WDR27: variants seen among roughly 807,000 people sequenced by gnomAD.
WDR27 encodes the protein WD repeat domain 27.
Under a neutral mutation model 114.4 loss-of-function variants are expected in WDR27, and 100 were observed. The ratio of observed to expected loss-of-function variants is 0.87; its 90% CI spans 0.74 to 1.03. WDR27 has a LOEUF of 1.03. WDR27 is among the 50% of genes least tolerant of loss of function. The probability of loss-of-function intolerance (pLI) is 0.00; values close to 1 mark genes in which losing one functional copy is unlikely to be tolerated. For missense variants in WDR27, 1,129 were observed against 1,092.9 expected, an observed-to-expected ratio of 1.03 and a Z score of -0.47; for synonymous variants, 449 against 423.1, an observed-to-expected ratio of 1.06 and a Z score of -0.75.
At chr6:169,621,207 C>G (rs535801959) in intron 21 of WDR27, among the ~76,000 whole-genome samples, 1 of 152,126 alleles carries the variant, frequency 6.6e-6, no homozygotes, top group South Asian at 2.1e-4. Context: ...CATGCACGCT[C>G]GCATATGCAT....
intron 25 of WDR27, among the ~76,000 whole-genome samples, chr6:169,570,825 G>GT (rs1431339798): frequency 2.0e-5 from 3 of 151,748 alleles, no homozygotes; most frequent in African/African-American, 7.3e-5. Context: ...GCGAAATTCC[G>GT]TTTCAAAAAA....
chr6:169,618,217 AATT>A lies in WDR27; in HGVS notation c.2224-4564_2224-4562del, dbSNP rs1300016295. ...TGAAATCTAGAATCATATGTAATAA[AATT>A]ATTTCATTAAAAAAGCTGTTTAAAC... On this transcript the variant is annotated intron_variant, in intron 21 of 25. Transcript: ENST00000448612. Among the ~76,000 whole-genome samples, 5 of 152,328 alleles carry A rather than the reference AATT, an allele frequency of 3.3e-5. 1 individual carries two copies. In the South Asian group the frequency reaches 6.2e-4, roughly 19 times the overall value.
the WDR27 span, among the ~76,000 whole-genome samples, chr6:169,431,401 C>T: frequency 6.6e-6 from 1 of 152,204 alleles, no homozygotes; most frequent in Non-Finnish European, 1.5e-5. Context: ...GAAACTACAA[C>T]ACGCAGCCCC....
chr6:169,467,903 G>T (rs528784422), intron 25 of WDR27, among the ~76,000 whole-genome samples: 1 of 152,124 alleles, frequency 6.6e-6, no homozygotes, highest in South Asian at 2.1e-4. Context: ...CCTTTTAAAC[G>T]TAAGTTCCAA....
intron 25 of WDR27, among the ~76,000 whole-genome samples, chr6:169,517,945 C>A (rs1252656211): frequency 6.6e-6 from 1 of 152,212 alleles, no homozygotes. Context: ...CAGAGTTTAT[C>A]CTACTTGAAG....
At chr6:169,642,047 T>C (rs1411512352) in intron 17 of WDR27, among the ~76,000 whole-genome samples, 1 of 152,192 alleles carries the variant, frequency 6.6e-6, no homozygotes, top group Non-Finnish European at 1.5e-5. Context: ...ATACGGTTGC[T>C]CTCAGTGGTT....
Position 169,573,173 on chromosome 6 carries a change from C to T in WDR27, c.2524-633G>A, listed in dbSNP as rs916903376. ...TGTCTTGTCTTTCACTGAAACTCTC[C>T]GAGAACCCCCCAAGTTTCTACATTG... On this transcript the variant is annotated intron_variant, in intron 24 of 25. Coordinates refer to ENST00000448612, the MANE Select transcript of WDR27 (RefSeq NM_182552.5). Among the ~76,000 whole-genome samples, 3 of 152,212 alleles carry T rather than the reference C, an allele frequency of 2.0e-5. No homozygotes were observed. In the East Asian group the frequency reaches 5.8e-4, roughly 29 times the overall value.
At chr6:169,634,792 C>T (rs1817271413) in intron 19 of WDR27, among the ~76,000 whole-genome samples, 1 of 152,164 alleles carries the variant, frequency 6.6e-6, no homozygotes. Context: ...AGCCTGTAAT[C>T]AAATGCACCA....
At chr6:169,638,780 GGC>G (rs2128224471) in intron 17 of WDR27, 120 bp from the exon 18 acceptor site, 2 of 1,285,470 alleles carry the variant, frequency 1.6e-6, no homozygotes, top group Non-Finnish European at 2.1e-6. Context: ...AGTAATTAGG[GGC>G]GCGCCAGGAG....
At chr6:169,485,687 T>A (rs1788789063) in intron 25 of WDR27, among the ~76,000 whole-genome samples, 1 of 152,238 alleles carries the variant, frequency 6.6e-6, no homozygotes, top group African/African-American at 2.4e-5. Context: ...TAAATTATTC[T>A]ATCCTAAAGA....
In WDR27 at chr6:169,582,501, C is replaced by T. The variant is rs368000332; in HGVS notation, c.2523+335G>A. On this transcript the variant is annotated intron_variant, in intron 24 of 25. Transcript: ENST00000448612. ...CTGGCACTGGTGTTCATGTTAGTGC[C>T]CCATGTAACCGTATTTGTCTACATG... is the stretch of plus-strand genomic sequence containing the variant. Among the ~76,000 whole-genome samples, 20 of 152,144 alleles carry T rather than the reference C, an allele frequency of 1.3e-4. No homozygotes were observed. In the South Asian group the frequency reaches 2.5e-3, roughly 19 times the overall value.
intron 24 of WDR27, among the ~76,000 whole-genome samples, chr6:169,580,268 T>TC (rs1274496892): frequency 2.0e-5 from 3 of 152,248 alleles, no homozygotes; most frequent in Admixed American, 1.3e-4. Context: ...AAACACCACC[T>TC]CCAAGTTTAC....
At position 169,633,023 on chromosome 6, in the gene WDR27, T is replaced by C; in HGVS notation, c.2147A>G (p.Asp716Gly). 1 of 1,598,066 alleles carries C rather than the reference T, an allele frequency of 6.3e-7. No homozygotes were observed. Among genetic ancestry groups the C allele is most frequent in the Non-Finnish European group, 8.6e-7 (1 of 1,167,016 alleles). ...CGCTGCACTGCAGCCGGCGTTGAGGTCAAACACTTCCACGGTCCTGTTCCG... is the reference window on the plus strand; with the variant it reads ...CGCTGCACTGCAGCCGGCGTTGAGGCCAAACACTTCCACGGTCCTGTTCCG... ...AGRNRTVEVF[D>G]LNAGCSAAVI... The change falls in exon 21 of 26, where the codon GAC becomes GGC. Residue 716 changes from aspartate (D) to glycine (G), a missense_variant. Physicochemically the swap from Asp to Gly is moderately conservative, Grantham distance 94. Coordinates refer to ENST00000448612, the MANE Select transcript of WDR27 (RefSeq NM_182552.5).
At chr6:169,595,523 G>T (rs779650609) in intron 23 of WDR27, among the ~76,000 whole-genome samples, 24 of 152,108 alleles carry the variant, frequency 1.6e-4, no homozygotes, top group Admixed American at 1.6e-3. Context: ...ACATTTAAGA[G>T]TTTACAATTC....
At position 169,684,625 on chromosome 6, in the gene WDR27, T is replaced by A. The variant is rs762710121; in HGVS notation, c.189+4192A>T. Among the ~76,000 whole-genome samples the A allele has an allele frequency of 4.6e-5, 7 of 152,182 alleles. No homozygotes were observed. Among genetic ancestry groups the A allele is most frequent in the Admixed American group, 2.6e-4 (4 of 15,280 alleles). On this transcript the variant is annotated intron_variant, in intron 2 of 25. Transcript: ENST00000448612. The surrounding 1 kb of genome is among the most constrained non-coding windows in gnomAD (Gnocchi z 4.3). ...CCAGGTCAGCCAAGCAGCCATAAGC[T>A]GTGTGACTATGTCCTGGGACTGAGA...
chr6:169,646,747 C>CAAAA (rs201219275), intron 16 of WDR27, among the ~76,000 whole-genome samples: 1 of 78,560 alleles, frequency 1.3e-5, no homozygotes, highest in Non-Finnish European at 2.7e-5. Context: ...GTCTCTGTCT[C>CAAAA]AAAAAAAAAA....
the WDR27 span, among the ~76,000 whole-genome samples, chr6:169,438,653 A>G: frequency 6.6e-6 from 1 of 152,288 alleles, no homozygotes; most frequent in East Asian, 1.9e-4. Context: ...ATACTCTCGC[A>G]GTATCTAATT....
At chr6:169,530,803 A>G (rs1423263091) in intron 25 of WDR27, among the ~76,000 whole-genome samples, 8 of 152,312 alleles carry the variant, frequency 5.3e-5, no homozygotes, top group Admixed American at 4.6e-4. Context: ...CTCAATTCTA[A>G]ATTTACCAGG....
chr6:169,566,694 C>T (rs1186411925), intron 25 of WDR27, among the ~76,000 whole-genome samples: 1 of 152,108 alleles, frequency 6.6e-6, no homozygotes, highest in Non-Finnish European at 1.5e-5. Context: ...TCACTCTCAC[C>T]CTGGGTGTTG....
Sources: allele counts gnomAD v4.1 joint callset (sites outside exome capture counted in the v4.1 genomes callset), GRCh38; gene constraint gnomAD v4.1.1; non-coding constraint Gnocchi (gnomAD v3.1); transcripts MANE v1.5; gene names NCBI Gene and HGNC (gene_info 2026-07-23, HGNC 2026-07-21).